Variants in DRC7 observed in about 807,000 individuals in gnomAD.
The protein encoded by DRC7 is coiled-coil domain containing 135.
A neutral mutation model predicts 104.4 loss-of-function variants in DRC7; 80 were observed. The ratio of observed to expected loss-of-function variants is 0.77; its 90% CI spans 0.64 to 0.92. DRC7 has a LOEUF of 0.92. Ranked by LOEUF, DRC7 falls within the 40% of genes least tolerant of loss-of-function variation. The pLI is 0.00. For synonymous variants in DRC7, 405 were observed against 447.3 expected (o/e 0.91, Z 1.19); for missense variants, 1,034 against 1,141.1 (o/e 0.91, Z 1.35).
Position 57,701,969 on chromosome 16 carries a change from A to T in DRC7, c.538A>T (p.Lys180Ter). 3 of 1,614,134 alleles carry T rather than the reference A, an allele frequency of 1.9e-6. No homozygotes were observed. The highest frequency in any genetic ancestry group is 2.5e-6 in the Non-Finnish European group (3 of 1,180,008). Residue 180 changes from lysine (K) to a stop codon, truncating the protein, a stop_gained, in exon 6 of 19, where the codon AAG becomes TAG. Coordinates refer to ENST00000360716, the MANE Select transcript of DRC7 (RefSeq NM_001289162.2). LOFTEE classifies it high-confidence loss of function. ...SHLYSSTTVLKYQKGNCFDFS... is the reference protein window; with the variant it reads ...SHLYSSTTVL ...CCTGTACTCCTCGACCACTGTGCTC[A>T]AGTACCAGAAGGGGAACTGCTTTGA...
intron 12 of DRC7, among the ~76,000 whole-genome samples, chr16:57,723,602 C>T (rs2048930674): frequency 6.6e-6 from 1 of 152,038 alleles, no homozygotes; most frequent in African/African-American, 2.4e-5. Flanking sequence ...GTGGCATGTG[C>T]TTGTAATCCC....
rs377137654 is a variant in DRC7 at position 57,722,892 on chromosome 16, C to T, written c.1408+51C>T. The T allele has an allele frequency of 7.9e-5, 128 of 1,612,092 alleles. No individual in the cohort carries two copies. In the African/African-American group the frequency reaches 9.5e-4, roughly 12 times the overall value. ...GTCCAGGCCAGCCCAGGGGCGGGGG[C>T]GGCTTCTACTCTCTCTGGGGTCATT... On this transcript the variant is annotated intron_variant, in intron 11 of 18. Transcript: ENST00000360716.
intron 17 of DRC7, 24 bp from the exon 18 acceptor site, chr16:57,730,904 CCTT>C (rs1567891805): frequency 3.1e-6 from 5 of 1,611,186 alleles, no homozygotes; most frequent in East Asian, 2.2e-5. Flanking sequence ...TGTCAGTCCT[CCTT>C]CTCTGTCTGC....
At position 57,724,557 on chromosome 16, in the gene DRC7, A is replaced by C. The variant is rs1012898284; in HGVS notation, c.1538-58A>C. 9.1e-6 allele frequency: 12 copies of C among 1,316,962 alleles called. No homozygotes were observed. The Admixed American group carries it at 2.4e-4, about 27-fold the overall frequency. 81.6% of individuals were successfully genotyped at this position (1,316,962 alleles called of 1,614,324 possible). A position where few individuals can be genotyped will look rare whatever the true frequency, so the allele number is the denominator to read the frequency against. On this transcript the variant is annotated intron_variant, in intron 12 of 18. Coordinates refer to ENST00000360716, the MANE Select transcript of DRC7 (RefSeq NM_001289162.2). ...CCTGGGGTTGGGCGACCAAGCCAGC[A>C]GCCATACTTCCTAGTGCTTATGAAG...
intron 13 of DRC7, 184 bp from the exon 14 acceptor site, chr16:57,725,884 T>C: frequency 1.6e-6 from 1 of 607,808 alleles, no homozygotes; most frequent in Non-Finnish European, 3.0e-6. Flanking sequence ...GGGAGTGGAG[T>C]GGCCTGGCCC....
At chr16:57,704,025 A>G (rs1258142003) in intron 6 of DRC7, among the ~76,000 whole-genome samples, 1 of 150,718 alleles carries the variant, frequency 6.6e-6, no homozygotes. Context: ...CTCAGCTCTC[A>G]GCTCAGCCAA....
intron 3 of DRC7, 31 bp downstream of exon 3, chr16:57,698,183 G>C: frequency 6.2e-7 from 1 of 1,613,186 alleles, no homozygotes. Flanking sequence ...GCCCTGGCAA[G>C]GGTAGACCGG....
intron 8 of DRC7, among the ~76,000 whole-genome samples, chr16:57,710,173 A>G (rs976489938): frequency 2.0e-5 from 3 of 152,182 alleles, no homozygotes; most frequent in Admixed American, 1.3e-4. Flanking sequence ...ATCTCTCTTC[A>G]GTTATTTAAG....
At chr16:57,722,957 TA>T (rs2048920254) in intron 11 of DRC7, 44 bp from the exon 12 acceptor site, 1 of 1,613,356 alleles carries the variant, frequency 6.2e-7, no homozygotes, top group Admixed American at 1.7e-5. Flanking sequence ...GGTTGAAGGC[TA>T]GGGGAGCTGG....
intron 7 of DRC7, among the ~76,000 whole-genome samples, chr16:57,705,522 A>C (rs1169959374): frequency 7.4e-6 from 1 of 134,822 alleles, no homozygotes; most frequent in Non-Finnish European, 1.6e-5. Flanking sequence ...CCATCCATCC[A>C]TCCTCCCATC....
chr16:57,698,286 C>T lies in DRC7; in HGVS notation c.203+134C>T, dbSNP rs1425042773. The T allele has an allele frequency of 3.6e-6, 5 of 1,370,054 alleles. No individual in the cohort carries two copies. In the Admixed American group the frequency reaches 7.0e-5, roughly 19 times the overall value. The allele number at this position is 1,370,054 out of a possible 1,614,324, so 84.9% of individuals were successfully genotyped here. A position where few individuals can be genotyped will look rare whatever the true frequency, so the allele number is the denominator to read the frequency against. On this transcript the variant is annotated intron_variant, in intron 3 of 18. Coordinates refer to ENST00000360716, the MANE Select transcript of DRC7 (RefSeq NM_001289162.2). ...GGAAGCAGTTATGAGTGAAGGCTTT[C>T]TGCTTTCAAATGGCCTGGGCCGAGT...
At chr16:57,703,756 C>A (rs1438889205) in intron 6 of DRC7, among the ~76,000 whole-genome samples, 1 of 152,090 alleles carries the variant, frequency 6.6e-6, no homozygotes, top group Non-Finnish European at 1.5e-5. Context: ...CACTTGAGCG[C>A]AGGAGTTCCA....
At chr16:57,707,221 C>A (rs773505450) in intron 7 of DRC7, among the ~76,000 whole-genome samples, 2 of 152,198 alleles carry the variant, frequency 1.3e-5, no homozygotes, top group Non-Finnish European at 2.9e-5. Context: ...GCCCAGTGCC[C>A]CAAAGAGTCC....
Position 57,728,505 on chromosome 16 carries a change from G to A in DRC7, c.2312G>A (p.Arg771His), listed in dbSNP as rs761526266. 2.1e-5 allele frequency: 34 copies of A among 1,612,010 alleles called. No homozygotes were observed. The highest frequency in any genetic ancestry group is 6.7e-5 in the Admixed American group (4 of 59,918). ...GEKLTCWQAV[R>H]LKDECLSDFK... ...AAACTAACATGCTGGCAGGCGGTGC[G>A]CCTCAAGGATGAGTGCCTCAGCGAC... The change falls in exon 17 of 19, where the codon CGC becomes CAC. Residue 771 changes from arginine (R) to histidine (H), a missense_variant. Physicochemically the swap from Arg to His is conservative, Grantham distance 29 (BLOSUM62 0). Coordinates refer to ENST00000360716, the MANE Select transcript of DRC7 (RefSeq NM_001289162.2).
At chr16:57,700,381 G>T in intron 5 of DRC7, 111 bp downstream of exon 5, 1 of 1,368,006 alleles carries the variant, frequency 7.3e-7, no homozygotes, top group Non-Finnish European at 9.9e-7. Context: ...GGGCGTGGTA[G>T]CTCATGCCTG....
intron 17 of DRC7, 34 bp from the exon 18 acceptor site, chr16:57,730,897 C>T: frequency 1.2e-6 from 2 of 1,609,264 alleles, no homozygotes; most frequent in Non-Finnish European, 1.7e-6. Flanking sequence ...TCAGCCTTGT[C>T]AGTCCTCCTT....
intron 13 of DRC7, 98 bp from the exon 14 acceptor site, chr16:57,725,970 T>A: frequency 2.0e-6 from 2 of 1,004,072 alleles, no homozygotes; most frequent in Non-Finnish European, 1.5e-6. Flanking sequence ...CAGACTCCAG[T>A]GTCCTGAACG....
chr16:57,703,903 G>T (rs893840857), intron 6 of DRC7, among the ~76,000 whole-genome samples: 2 of 147,952 alleles, frequency 1.4e-5, no homozygotes, highest in Non-Finnish European at 1.5e-5. Context: ...CAAGGTGGAG[G>T]TTGCAGTGAG....
intron 16 of DRC7, among the ~76,000 whole-genome samples, chr16:57,728,006 A>T (rs2048992184): frequency 6.6e-6 from 1 of 152,208 alleles, no homozygotes; most frequent in South Asian, 2.1e-4. Context: ...GGAAAAGAAA[A>T]GTGAAGGGAG....
Sources: allele counts gnomAD v4.1 joint callset (sites outside exome capture counted in the v4.1 genomes callset), GRCh38; gene constraint gnomAD v4.1.1; transcripts MANE v1.5; gene names NCBI Gene and HGNC (gene_info 2026-07-23, HGNC 2026-07-21).